The following PACRG variants were observed in gnomAD, a reference collection of about 807,000 sequenced individuals.
The protein encoded by PACRG is parkin coregulated.
In PACRG, 29 loss-of-function variants were observed where a neutral mutation model predicts 29.7. That is an observed-to-expected ratio of 0.98 (90% CI 0.73 to 1.33). PACRG has a LOEUF of 1.33. Among genes scored for constraint, PACRG ranks in the 40% most tolerant of loss-of-function variants. PACRG has a pLI of 0.00. For synonymous variants in PACRG, 116 were observed against 118.7 expected (o/e 0.98, Z 0.15); for missense variants, 279 against 316.2 (o/e 0.88, Z 0.89).
chr6:162,806,428 T>TAA (rs74420708), intron 1 of PACRG, among the ~76,000 whole-genome samples: 3 of 127,374 alleles, frequency 2.4e-5, no homozygotes, highest in Non-Finnish European at 1.7e-5. Context: ...ATTTCTTAAG[T>TAA]AAAAAAAAAA....
In PACRG at chr6:162,868,998, C is replaced by T. The variant is rs569387707; in HGVS notation, c.291+54717C>T. ...TATTCCTCGTTACATCACGCAGGTA[C>T]ACAGAGGGACGATGACATGTGCATC... On this transcript the variant is annotated intron_variant, in intron 2 of 4. Coordinates refer to ENST00000366888, the MANE Select transcript of PACRG (RefSeq NM_001080379.2). Among the ~76,000 whole-genome samples the T allele has an allele frequency of 7.9e-5, 12 of 152,322 alleles. No homozygotes were observed. In the South Asian group the frequency reaches 2.5e-3, roughly 32 times the overall value.
chr6:163,246,299 G>A (rs1782694689), intron 4 of PACRG, among the ~76,000 whole-genome samples: 1 of 152,108 alleles, frequency 6.6e-6, no homozygotes, highest in South Asian at 2.1e-4. Flanking sequence ...AGCACACCAA[G>A]ATTGATGCTG....
chr6:162,927,631 A>G (rs1797541940), intron 2 of PACRG, among the ~76,000 whole-genome samples: 1 of 152,070 alleles, frequency 6.6e-6, no homozygotes, highest in Non-Finnish European at 1.5e-5. Flanking sequence ...GGAGGGGAAC[A>G]AAACACACCA....
intron 3 of PACRG, among the ~76,000 whole-genome samples, chr6:163,075,761 C>G (rs917982834): frequency 6.6e-5 from 10 of 152,184 alleles, no homozygotes; most frequent in African/African-American, 2.4e-4. Flanking sequence ...GGAATTTTAT[C>G]AATCAGAATA....
rs201522205 is a variant in PACRG at position 163,096,109 on chromosome 6, CTG to C, written c.613+6702_613+6703del. 8.9e-4 allele frequency among the ~76,000 whole-genome samples: 135 copies of C among 152,274 alleles called. 1 individual carries two copies. In the East Asian group the frequency reaches 0.022, roughly 24 times the overall value. ...AGGGTTTGTTTAGTTAAGAAAGAAA[CTG>C]GGCCTGGATAAGTTTTGAGTAGGGG... On this transcript the variant is annotated intron_variant, in intron 4 of 4. Transcript: ENST00000366888.
chr6:162,973,377 T>C (rs1801687173), intron 2 of PACRG, among the ~76,000 whole-genome samples: 1 of 152,232 alleles, frequency 6.6e-6, no homozygotes, highest in Non-Finnish European at 1.5e-5. Flanking sequence ...TTCCATCTAA[T>C]GCGAGGCCTG....
At chr6:162,772,104 A>G (rs1220566793) in intron 1 of PACRG, among the ~76,000 whole-genome samples, 2 of 152,262 alleles carry the variant, frequency 1.3e-5, no homozygotes, top group African/African-American at 4.8e-5. Context: ...GGGAGAAAAC[A>G]GAAAATGCTT....
At chr6:163,112,132 C>A in intron 4 of PACRG, 1 of 705,032 alleles carries the variant, frequency 1.4e-6, no homozygotes. Context: ...AGGCATCTGC[C>A]TCCCTACCTA....
chr6:162,910,667 A>G (rs2128076297), intron 2 of PACRG, among the ~76,000 whole-genome samples: 1 of 152,344 alleles, frequency 6.6e-6, no homozygotes, highest in East Asian at 1.9e-4. Flanking sequence ...TCAAAATGGC[A>G]GAAGTTTATT....
chr6:162,769,437 T>C (rs1222044884), intron 1 of PACRG, among the ~76,000 whole-genome samples: 1 of 152,036 alleles, frequency 6.6e-6, no homozygotes, highest in Non-Finnish European at 1.5e-5. Context: ...GAGGTTAAAT[T>C]ACTTGTTCAA....
chr6:162,968,630 G>T (rs921951315), intron 2 of PACRG, among the ~76,000 whole-genome samples: 10 of 152,212 alleles, frequency 6.6e-5, no homozygotes, highest in African/African-American at 2.2e-4. Context: ...GCCTAGTAAT[G>T]AAGGAACCAT....
chr6:163,314,696 G>A (rs554481276), intron 4 of PACRG, 131 bp from the exon 5 acceptor site: 48 of 1,039,166 alleles, frequency 4.6e-5, no homozygotes, highest in Middle Eastern at 3.4e-4. Flanking sequence ...TTAAAACTCC[G>A]CAAGATCGTG....
intron 1 of PACRG, among the ~76,000 whole-genome samples, chr6:162,776,960 G>A (rs1488058396): frequency 1.3e-5 from 2 of 152,142 alleles, no homozygotes; most frequent in African/African-American, 2.4e-5. Flanking sequence ...AGGGATAAAA[G>A]ACTACACATT....
At chr6:163,160,479 A>G (rs934550071) in intron 4 of PACRG, among the ~76,000 whole-genome samples, 1 of 152,178 alleles carries the variant, frequency 6.6e-6, no homozygotes, top group African/African-American at 2.4e-5. Flanking sequence ...GACTTAAGAT[A>G]ATGGAGGTTT....
chr6:163,041,399 T>C (rs1292879318), intron 2 of PACRG, among the ~76,000 whole-genome samples: 4 of 152,052 alleles, frequency 2.6e-5, no homozygotes, highest in Admixed American at 1.3e-4. Context: ...TGGGAGGTGA[T>C]TGGATCATGG....
chr6:163,093,132 G>A (rs1317498475), intron 4 of PACRG, among the ~76,000 whole-genome samples: 3 of 152,202 alleles, frequency 2.0e-5, no homozygotes, highest in Non-Finnish European at 4.4e-5. Context: ...CTCTCAGCTT[G>A]AATATGTGAC....
chr6:163,088,952 C>T (rs1471711226), intron 3 of PACRG, among the ~76,000 whole-genome samples: 1 of 152,120 alleles, frequency 6.6e-6, no homozygotes, highest in East Asian at 1.9e-4. Context: ...ATTAAGTGAT[C>T]TTTTGTCTTT....
At chr6:163,143,459 T>A (rs984154346) in intron 4 of PACRG, among the ~76,000 whole-genome samples, 1 of 152,180 alleles carries the variant, frequency 6.6e-6, no homozygotes. Context: ...ATTCCTGTGA[T>A]CCCAGAGCAA....
At chr6:163,268,359 ACCACTGCAC>A (rs1783613236) in intron 4 of PACRG, among the ~76,000 whole-genome samples, 1 of 150,102 alleles carries the variant, frequency 6.7e-6, no homozygotes, top group African/African-American at 2.4e-5. Flanking sequence ...CCAAGAATGC[ACCACTGCAC>A]TCCAGCCTGG....
Sources: allele counts gnomAD v4.1 joint callset (sites outside exome capture counted in the v4.1 genomes callset), GRCh38; gene constraint gnomAD v4.1.1; transcripts MANE v1.5; gene names NCBI Gene and HGNC (gene_info 2026-07-23, HGNC 2026-07-21).